GTF2IRD1: variants seen among roughly 807,000 people sequenced by gnomAD.
GTF2IRD1 encodes general transcription factor II-I repeat domain-containing protein 1.
GTF2IRD1 carries 26 observed loss-of-function variants against 113.2 expected under a neutral mutation model. The observed-to-expected ratio is 0.23, with a 90% confidence interval of 0.17 to 0.32. The LOEUF is 0.32. Ranked by LOEUF, GTF2IRD1 falls within the 10% of genes least tolerant of loss-of-function variation. GTF2IRD1 has a pLI of 1.00. For synonymous variants in GTF2IRD1, 484 were observed against 529.1 expected (o/e 0.91, Z 1.17); for missense variants, 864 against 1,280.8 (o/e 0.67, Z 4.97).
intron 1 of GTF2IRD1, among the ~76,000 whole-genome samples, chr7:74,475,793 C>T (rs1208225256): frequency 6.6e-6 from 1 of 152,182 alleles, no homozygotes; most frequent in Non-Finnish European, 1.5e-5. Flanking sequence ...TCCTCAGGGA[C>T]CAGGCCATTA....
chr7:74,594,076 G>A (rs1418069288), intron 24 of GTF2IRD1, among the ~76,000 whole-genome samples: 1 of 151,830 alleles, frequency 6.6e-6, no homozygotes, highest in Non-Finnish European at 1.5e-5. Context: ...GTACACGCCT[G>A]TAATCCCAGC....
At chr7:74,553,012 A>G (rs1223674006) in intron 17 of GTF2IRD1, among the ~76,000 whole-genome samples, 1 of 151,884 alleles carries the variant, frequency 6.6e-6, no homozygotes, top group Non-Finnish European at 1.5e-5. Flanking sequence ...TAAATTTTGT[A>G]TTTTTAGTAG....
chr7:74,498,363 C>T (rs927623090), intron 1 of GTF2IRD1, among the ~76,000 whole-genome samples: 9 of 152,142 alleles, frequency 5.9e-5, no homozygotes, highest in African/African-American at 2.2e-4. Context: ...TACCGATATA[C>T]TATTTACAAA....
chr7:74,567,258 G>T (rs587690347), intron 22 of GTF2IRD1, among the ~76,000 whole-genome samples: 1 of 152,070 alleles, frequency 6.6e-6, no homozygotes, highest in African/African-American at 2.4e-5. Flanking sequence ...AACCCGGGAG[G>T]CAGAGGTTGC....
intron 1 of GTF2IRD1, among the ~76,000 whole-genome samples, chr7:74,472,608 C>T (rs1794177636): frequency 6.6e-6 from 1 of 152,132 alleles, no homozygotes; most frequent in Non-Finnish European, 1.5e-5. Context: ...AAAATTTAGC[C>T]AGGCATGGCG....
chr7:74,471,939 C>T (rs529609508), intron 1 of GTF2IRD1, among the ~76,000 whole-genome samples: 4 of 152,124 alleles, frequency 2.6e-5, no homozygotes, highest in Non-Finnish European at 5.9e-5. Flanking sequence ...CTGCAGTGAG[C>T]CGAGATGGCG....
chr7:74,519,876 G>T (rs782479965), intron 6 of GTF2IRD1, among the ~76,000 whole-genome samples, 157 bp downstream of exon 6: 24 of 152,052 alleles, frequency 1.6e-4, no homozygotes, highest in Non-Finnish European at 3.1e-4. Flanking sequence ...TGGTGTCCTG[G>T]CTGAGACCCC....
At chr7:74,504,268 T>C (rs1215417416) in intron 1 of GTF2IRD1, among the ~76,000 whole-genome samples, 1 of 152,078 alleles carries the variant, frequency 6.6e-6, no homozygotes, top group African/African-American at 2.4e-5. Context: ...ACCCAAAGGA[T>C]GGACATTTGG....
chr7:74,571,715 G>C (rs972393733), intron 22 of GTF2IRD1, among the ~76,000 whole-genome samples: 1 of 152,230 alleles, frequency 6.6e-6, no homozygotes, highest in Admixed American at 6.5e-5. Flanking sequence ...TAAAAAATTA[G>C]CCAGGCATGG....
At chr7:74,519,754 G>C (rs1554345525) in intron 6 of GTF2IRD1, 35 bp downstream of exon 6, 3 of 1,462,460 alleles carry the variant, frequency 2.1e-6, no homozygotes, top group Non-Finnish European at 2.8e-6. Flanking sequence ...AGTCTAGGGG[G>C]TGGGACAGAG....
intron 25 of GTF2IRD1, among the ~76,000 whole-genome samples, chr7:74,600,706 A>G (rs1185787332): frequency 4.6e-5 from 7 of 152,098 alleles, no homozygotes; most frequent in Non-Finnish European, 7.4e-5. Flanking sequence ...GCGAGACTCC[A>G]TCTCAAAAAA....
chr7:74,457,877 G>GT (rs1219714627), intron 1 of GTF2IRD1, among the ~76,000 whole-genome samples: 5,679 of 122,732 alleles, frequency 0.046, 286 homozygotes, highest in African/African-American at 0.11. Context: ...TTACGTTTTT[G>GT]TTTTTTTTTT....
In GTF2IRD1 at chr7:74,519,638, C is replaced by G; in HGVS notation, c.835C>G (p.Leu279Val). 6.2e-7 allele frequency: 1 copy of G among 1,611,264 alleles called. No individual in the cohort carries two copies. The highest frequency in any genetic ancestry group is 8.5e-7 in the Non-Finnish European group (1 of 1,179,008). ...ELKQEAPSCP[L>V]APSDLGLSRP... Reference sequence around the variant, plus strand: ...CAAGCAGGAAGCACCTTCCTGCCCCCTTGCCCCCAGCGACCTGGGCCTGAG... The same window carrying G: ...CAAGCAGGAAGCACCTTCCTGCCCCGTTGCCCCCAGCGACCTGGGCCTGAG... Residue 279 changes from leucine (L) to valine (V), a missense_variant, in exon 6 of 27, where the codon CTT becomes GTT. Leu to Val is a conservative substitution (Grantham distance 32). Coordinates refer to ENST00000424337, the MANE Select transcript of GTF2IRD1 (RefSeq NM_005685.4).
intron 9 of GTF2IRD1, among the ~76,000 whole-genome samples, chr7:74,531,276 C>T (rs2130467397): frequency 6.6e-6 from 1 of 151,484 alleles, no homozygotes; most frequent in Non-Finnish European, 1.5e-5. Context: ...GAGGCTGAGG[C>T]ATGAGAATGG....
intron 19 of GTF2IRD1, 71 bp from the exon 20 acceptor site, chr7:74,557,568 A>G (rs1343370381): frequency 2.9e-6 from 3 of 1,020,606 alleles, no homozygotes; most frequent in Non-Finnish European, 3.0e-6. Context: ...TTAGAAAATC[A>G]TCTTCCTTAA....
intron 22 of GTF2IRD1, among the ~76,000 whole-genome samples, chr7:74,576,172 A>G (rs587605100): frequency 1.1e-4 from 17 of 151,958 alleles, no homozygotes; most frequent in Non-Finnish European, 2.5e-4. Context: ...AAAAATAAAT[A>G]AATTACCTAA....
chr7:74,601,617 A>G, intron 26 of GTF2IRD1: 1 of 530,206 alleles, frequency 1.9e-6, no homozygotes, highest in Non-Finnish European at 3.0e-6. Context: ...TACTAAAAAT[A>G]CAAAATTAGC....
intron 17 of GTF2IRD1, among the ~76,000 whole-genome samples, chr7:74,548,363 A>G (rs1391787326): frequency 6.6e-6 from 1 of 151,654 alleles, no homozygotes; most frequent in Non-Finnish European, 1.5e-5. Context: ...TGGAGCTTGC[A>G]GTGAGCGGAG....
At chr7:74,553,536 G>A (rs1554355714) in intron 17 of GTF2IRD1, among the ~76,000 whole-genome samples, 1 of 151,920 alleles carries the variant, frequency 6.6e-6, no homozygotes. Flanking sequence ...CGATGCCCCT[G>A]CCTCAGCCTC....
Sources: gnomAD v4.1 joint callset for allele counts (sites outside exome capture counted in the v4.1 genomes callset) on GRCh38, gnomAD v4.1.1 for gene constraint, MANE v1.5 for transcripts, NCBI Gene and HGNC (gene_info 2026-07-23, HGNC 2026-07-21) for gene names.